The following MB21D2 variants were observed in gnomAD, a reference collection of about 807,000 sequenced individuals.
MB21D2 encodes the protein Mab-21 domain containing 2, also known as nucleotidyltransferase MB21D2.
A neutral mutation model predicts 33.3 loss-of-function variants in MB21D2; 9 were observed. That is an observed-to-expected ratio of 0.27 (90% CI 0.16 to 0.47). The LOEUF (loss-of-function observed/expected upper bound fraction) is 0.47. Ranked by LOEUF, MB21D2 falls within the 20% of genes least tolerant of loss-of-function variation. MB21D2 has a pLI of 0.99. For synonymous variants in MB21D2, 241 were observed against 236.3 expected (o/e 1.02, Z -0.18); for missense variants, 540 against 624.6 (o/e 0.86, Z 1.44).
intron 1 of MB21D2, among the ~76,000 whole-genome samples, chr3:192,911,497 C>T (rs959898356): frequency 6.6e-6 from 1 of 152,192 alleles, no homozygotes; most frequent in Admixed American, 6.5e-5. Flanking sequence ...TGCAGAACAT[C>T]AAGCCTAACA....
At chr3:192,884,567 C>G (rs1382306474) in intron 1 of MB21D2, among the ~76,000 whole-genome samples, 1 of 151,982 alleles carries the variant, frequency 6.6e-6, no homozygotes, top group Non-Finnish European at 1.5e-5. Context: ...CGGGGTTTCA[C>G]CGTGTTAGCC....
chr3:192,799,585 C>T lies in MB21D2; in HGVS notation c.277G>A (p.Val93Ile), dbSNP rs370688369. 8 of 1,614,212 alleles carry T rather than the reference C, an allele frequency of 5.0e-6. No homozygotes were observed. Among genetic ancestry groups the T allele is most frequent in the Middle Eastern group, 1.6e-4 (1 of 6,062 alleles). Residue 93 changes from valine (V) to isoleucine (I), a missense_variant, in exon 2 of 2, where the codon GTC becomes ATC. Transcript: ENST00000392452. The surrounding 1 kb of genome is among the most constrained non-coding windows in gnomAD (Gnocchi z 4.1). ...TCCAGGTCCACCACGCCTTCCCGGA[C>T]ACCTCCAGAGAGCAACAGGTATTCA... ...ANEYLLLSGG[V>I]REGVVDLDLD...
chr3:192,852,328 A>C (rs1303726332), intron 1 of MB21D2, among the ~76,000 whole-genome samples: 1 of 152,266 alleles, frequency 6.6e-6, no homozygotes, highest in African/African-American at 2.4e-5. Flanking sequence ...TGTGAGGCGA[A>C]AGAAAGCCAT....
At chr3:192,889,629 TG>T (rs1713808073) in intron 1 of MB21D2, among the ~76,000 whole-genome samples, 1 of 152,220 alleles carries the variant, frequency 6.6e-6, no homozygotes, top group Admixed American at 6.5e-5. Flanking sequence ...AGATTTTTTT[TG>T]TTTTTAAATG....
Position 192,798,956 on chromosome 3 carries a change from G to C in MB21D2, c.906C>G (p.Ile302Met). 6.2e-7 allele frequency: 1 copy of C among 1,614,040 alleles called. No homozygotes were observed. Among genetic ancestry groups the C allele is most frequent in the Middle Eastern group, 1.6e-4 (1 of 6,062 alleles). Reference sequence around the variant, plus strand: ...GATAGGCCTGCATGAGGCTGCTGGAGATGCACTTCTTCAACTGCACCTCGC... The same window carrying C: ...GATAGGCCTGCATGAGGCTGCTGGACATGCACTTCTTCAACTGCACCTCGC... ...ARSEVQLKKC[I>M]SSSLMQAYQA... The change falls in exon 2 of 2, where the codon ATC becomes ATG. Residue 302 changes from isoleucine (I) to methionine (M), a missense_variant. Ile to Met is a conservative substitution (Grantham distance 10, BLOSUM62 1). Transcript: ENST00000392452. This position sits in a 1 kb window ranked among gnomAD's most constrained non-coding sequence, Gnocchi z 4.8.
intron 1 of MB21D2, among the ~76,000 whole-genome samples, chr3:192,869,123 G>A (rs1047004644): frequency 2.0e-5 from 3 of 152,016 alleles, no homozygotes; most frequent in Admixed American, 1.3e-4. Flanking sequence ...GGGCATGGTG[G>A]TGTGCCCCTG....
intron 1 of MB21D2, among the ~76,000 whole-genome samples, chr3:192,865,572 A>G (rs1713150067): frequency 6.6e-6 from 1 of 152,202 alleles, no homozygotes; most frequent in Non-Finnish European, 1.5e-5. Context: ...ACACCTCTGC[A>G]TTCTGAATTT....
chr3:192,888,376 T>C (rs1228992446), intron 1 of MB21D2, among the ~76,000 whole-genome samples: 1 of 152,118 alleles, frequency 6.6e-6, no homozygotes, highest in African/African-American at 2.4e-5. Flanking sequence ...TTAAACGCAG[T>C]ATATCTTGGA....
At chr3:192,828,354 T>C (rs1260796589) in intron 1 of MB21D2, among the ~76,000 whole-genome samples, 2 of 151,334 alleles carry the variant, frequency 1.3e-5, no homozygotes, top group Admixed American at 6.6e-5. Flanking sequence ...GATCAGCACT[T>C]GAGTCCTACC....
intron 1 of MB21D2, among the ~76,000 whole-genome samples, chr3:192,878,061 A>G (rs113651226): frequency 0.012 from 1,703 of 147,704 alleles, 18 homozygotes; most frequent in African/African-American, 0.04. Context: ...CGTACGAAAC[A>G]TCTTCAAACA....
intron 1 of MB21D2, among the ~76,000 whole-genome samples, chr3:192,890,814 T>C (rs1452486944): frequency 1.3e-5 from 2 of 152,058 alleles, no homozygotes; most frequent in Non-Finnish European, 2.9e-5. Flanking sequence ...AGGCGGTTAT[T>C]GATATAAGAT....
At chr3:192,832,973 C>T (rs1410855545) in intron 1 of MB21D2, among the ~76,000 whole-genome samples, 1 of 152,070 alleles carries the variant, frequency 6.6e-6, no homozygotes. Flanking sequence ...TAAAACATTT[C>T]CTGTGAGATG....
At chr3:192,890,469 T>G (rs1713826798) in intron 1 of MB21D2, among the ~76,000 whole-genome samples, 1 of 152,004 alleles carries the variant, frequency 6.6e-6, no homozygotes, top group Non-Finnish European at 1.5e-5. Flanking sequence ...TGGGGCAGGC[T>G]TAGCTTGTAA....
At chr3:192,817,947 C>T (rs1711962539) in intron 1 of MB21D2, among the ~76,000 whole-genome samples, 1 of 148,722 alleles carries the variant, frequency 6.7e-6, no homozygotes, top group Admixed American at 6.8e-5. Context: ...TTGGCCCCAG[C>T]CCCCAAACGG....
chr3:192,813,002 A>C (rs1711824681), intron 1 of MB21D2, among the ~76,000 whole-genome samples: 1 of 152,188 alleles, frequency 6.6e-6, no homozygotes, highest in Non-Finnish European at 1.5e-5. Flanking sequence ...TTACAATCTT[A>C]GAATAAAATC....
At chr3:192,858,666 T>C (rs2108632665) in intron 1 of MB21D2, among the ~76,000 whole-genome samples, 1 of 152,314 alleles carries the variant, frequency 6.6e-6, no homozygotes, top group Non-Finnish European at 1.5e-5. Context: ...GATGGAGCTA[T>C]GAATCAACCA....
chr3:192,877,000 G>GT (rs1713445548), intron 1 of MB21D2, among the ~76,000 whole-genome samples: 1 of 152,266 alleles, frequency 6.6e-6, no homozygotes, highest in African/African-American at 2.4e-5. Context: ...CTAGAACAGC[G>GT]CCTGAGTCCA....
intron 1 of MB21D2, among the ~76,000 whole-genome samples, chr3:192,847,099 C>A (rs1403619198): frequency 6.6e-6 from 1 of 152,080 alleles, no homozygotes; most frequent in Non-Finnish European, 1.5e-5. Flanking sequence ...TCATGGTCTC[C>A]AGGTCAAGGG....
chr3:192,851,009 T>C (rs1018719921), intron 1 of MB21D2, among the ~76,000 whole-genome samples: 9 of 152,232 alleles, frequency 5.9e-5, no homozygotes, highest in Admixed American at 5.2e-4. Flanking sequence ...TACCTATCTA[T>C]GCCTTCTTCT....
Sources: gnomAD v4.1 joint callset for allele counts (sites outside exome capture counted in the v4.1 genomes callset) on GRCh38, gnomAD v4.1.1 for gene constraint, Gnocchi (gnomAD v3.1) non-coding constraint, MANE v1.5 for transcripts, NCBI Gene and HGNC (gene_info 2026-07-23, HGNC 2026-07-21) for gene names.